Variants in TMEM131 observed in about 807,000 individuals in gnomAD.
TMEM131 encodes transmembrane protein 131, also known as 2610524E03Rik.
Under a neutral mutation model 211.6 loss-of-function variants are expected in TMEM131, and 66 were observed. The ratio of observed to expected loss-of-function variants is 0.31; its 90% CI spans 0.26 to 0.38. TMEM131 has a LOEUF of 0.38. Ranked by LOEUF, TMEM131 falls within the 10% of genes least tolerant of loss-of-function variation. The pLI, the probability that TMEM131 is intolerant of heterozygous loss-of-function variation, is 1.00. For missense variants in TMEM131, 2,036 were observed against 2,299.3 expected, an observed-to-expected ratio of 0.89 and a Z score of 2.34; for synonymous variants, 844 against 841.3, an observed-to-expected ratio of 1.00 and a Z score of -0.06.
intron 5 of TMEM131, among the ~76,000 whole-genome samples, chr2:97,848,603 C>T (rs530723988): frequency 6.6e-5 from 10 of 152,136 alleles, no homozygotes; most frequent in South Asian, 2.1e-4. Context: ...CAAGAAAAGT[C>T]TTGTTCAGTA....
At chr2:97,834,183 CTTAG>C (rs1573434447) in intron 10 of TMEM131, among the ~76,000 whole-genome samples, 1 of 152,104 alleles carries the variant, frequency 6.6e-6, no homozygotes, top group African/African-American at 2.4e-5. Flanking sequence ...AAAATCTTTA[CTTAG>C]TTGTTTTTAA....
intron 2 of TMEM131, among the ~76,000 whole-genome samples, chr2:97,916,051 C>T (rs1295414459): frequency 2.0e-5 from 3 of 152,076 alleles, no homozygotes; most frequent in African/African-American, 7.2e-5. Context: ...GTAGCTGGGA[C>T]TACAGGCATG....
chr2:97,781,950 G>A (rs1217444781), intron 31 of TMEM131, among the ~76,000 whole-genome samples: 3 of 152,204 alleles, frequency 2.0e-5, no homozygotes, highest in African/African-American at 4.8e-5. Context: ...ATCCACCCAT[G>A]CCAACAAAGG....
chr2:97,978,147 T>C (rs1218709176), intron 1 of TMEM131, among the ~76,000 whole-genome samples: 2 of 152,126 alleles, frequency 1.3e-5, no homozygotes, highest in African/African-American at 4.8e-5. Flanking sequence ...TGCTGCCATT[T>C]CATGAAAGAT....
chr2:97,758,216 T>A (rs1217036162), intron 40 of TMEM131, among the ~76,000 whole-genome samples: 4 of 152,172 alleles, frequency 2.6e-5, no homozygotes, highest in Admixed American at 6.5e-5. Context: ...TAATTACACA[T>A]GAAGACAACC....
intron 5 of TMEM131, 55 bp downstream of exon 5, chr2:97,859,249 T>C (rs1350076684): frequency 2.6e-6 from 4 of 1,523,924 alleles, no homozygotes; most frequent in African/African-American, 1.4e-5. Context: ...TCAATAAAAA[T>C]CTAGACATTT....
In TMEM131 at chr2:97,957,383, C is replaced by A. The variant is rs576438828; in HGVS notation, c.188-29896G>T. Reference sequence around the variant, plus strand: ...ATTTAGTCACATGTTTTACTTTTGACTACATACATATGAAACAACATTATA... The same window carrying A: ...ATTTAGTCACATGTTTTACTTTTGAATACATACATATGAAACAACATTATA... On this transcript the variant is annotated intron_variant, in intron 1 of 40. Transcript: ENST00000186436. Among the ~76,000 whole-genome samples, 4 of 152,160 alleles carry A rather than the reference C, an allele frequency of 2.6e-5. No individual in the cohort carries two copies. In the East Asian group the frequency reaches 7.7e-4, roughly 29 times the overall value.
chr2:97,812,634 T>G lies in TMEM131; in HGVS notation c.1728+5A>C, dbSNP rs781753758. ...ATGTGATTTAGAATAAAAACAGGTT[T>G]TTACCTCAATTGGATTGCTGTTTAT... is the stretch of plus-strand genomic sequence containing the variant. On this transcript the variant is annotated splice_donor_5th_base_variant and intron_variant, in intron 16 of 40. Transcript: ENST00000186436. 6.3e-7 allele frequency: 1 copy of G among 1,587,316 alleles called. No individual in the cohort carries two copies. The highest frequency in any genetic ancestry group is 1.2e-5 in the South Asian group (1 of 86,082).
At chr2:97,883,591 A>G (rs780015534) in intron 4 of TMEM131, among the ~76,000 whole-genome samples, 1 of 152,230 alleles carries the variant, frequency 6.6e-6, no homozygotes. Flanking sequence ...AGGTTAATTA[A>G]AATCTTTAAT....
chr2:97,776,019 C>T lies in TMEM131; in HGVS notation c.4145-1G>A. On this transcript the variant is annotated splice_acceptor_variant, in intron 31 of 40. Transcript: ENST00000186436. LOFTEE classifies it high-confidence loss of function. ...TTGCGCTGAAGAGGTTTTCCTTTCC[C>T]TGAGGATAAAAATTAAAGTAAAAGA... The T allele has an allele frequency of 6.3e-7, 1 of 1,599,466 alleles. No individual in the cohort carries two copies. The highest frequency in any genetic ancestry group is 8.5e-7 in the Non-Finnish European group (1 of 1,175,846).
intron 1 of TMEM131, among the ~76,000 whole-genome samples, chr2:97,937,805 G>A (rs982018899): frequency 1.3e-5 from 2 of 152,176 alleles, no homozygotes; most frequent in Non-Finnish European, 2.9e-5. Context: ...CAACTAGAGA[G>A]AAGGTCATCA....
chr2:97,906,565 A>G (rs552292894), intron 3 of TMEM131, among the ~76,000 whole-genome samples: 29 of 152,322 alleles, frequency 1.9e-4, no homozygotes, highest in African/African-American at 7.0e-4. Context: ...AGCTTTCACT[A>G]GTTTCCTCTG....
intron 1 of TMEM131, among the ~76,000 whole-genome samples, chr2:97,943,101 G>GCAAGCA (rs1225034857): frequency 4.0e-5 from 6 of 149,418 alleles, no homozygotes; most frequent in Admixed American, 2.7e-4. Flanking sequence ...AAGAAAGAAA[G>GCAAGCA]AGCTGGGTGT....
chr2:97,952,493 C>A (rs981662089), intron 1 of TMEM131, among the ~76,000 whole-genome samples: 1 of 152,106 alleles, frequency 6.6e-6, no homozygotes, highest in Non-Finnish European at 1.5e-5. Context: ...AACACCAATT[C>A]GAATTGGTGT....
intron 1 of TMEM131, among the ~76,000 whole-genome samples, chr2:97,963,764 T>A (rs1678922630): frequency 6.6e-6 from 1 of 152,192 alleles, no homozygotes; most frequent in Non-Finnish European, 1.5e-5. Context: ...CTAGAATAAT[T>A]TCCCTTTGTT....
intron 33 of TMEM131, among the ~76,000 whole-genome samples, chr2:97,768,234 T>C (rs1380927121): frequency 2.6e-5 from 4 of 152,212 alleles, no homozygotes; most frequent in African/African-American, 7.2e-5. Flanking sequence ...CCACTGTTTA[T>C]GGGCCAGATG....
At position 97,995,509 on chromosome 2, in the gene TMEM131, G is replaced by T; in HGVS notation, c.154C>A (p.Leu52Ile). ...TCGGCCCGCGCCGCAGCCACTACGA[G>T]GGTCATCACCAGGTGCAGCGCGCCT... The part of the protein sequence containing the change: ...LLGALHLVMT[L>I]VVAAARAEKE... Residue 52 changes from leucine (L) to isoleucine (I), a missense_variant, in exon 1 of 41, where the codon CTC (leucine) becomes ATC (isoleucine). This residue lies in a region of TMEM131 where 136 missense variants were observed against 115.4 expected (regional missense o/e 1.18). Coordinates refer to ENST00000186436, the MANE Select transcript of TMEM131 (RefSeq NM_015348.2). 7.1e-7 allele frequency: 1 copy of T among 1,414,144 alleles called. No homozygotes were observed. The allele number at this position is 1,414,144 out of a possible 1,614,324, so 87.6% of individuals were successfully genotyped here.
At chr2:97,992,816 G>C (rs1680322941) in intron 1 of TMEM131, among the ~76,000 whole-genome samples, 1 of 152,120 alleles carries the variant, frequency 6.6e-6, no homozygotes, top group African/African-American at 2.4e-5. Context: ...TTAGCCTCAA[G>C]ACAAAATCTT....
At chr2:97,995,417 G>T in intron 1 of TMEM131, 59 bp downstream of exon 1, 1 of 1,301,114 alleles carries the variant, frequency 7.7e-7, no homozygotes, top group African/African-American at 1.6e-5. Context: ...CAGCCCTCCC[G>T]GCCTCCGCGA....
Sources: allele counts gnomAD v4.1 joint callset (sites outside exome capture counted in the v4.1 genomes callset), GRCh38; gene constraint gnomAD v4.1.1; regional missense constraint gnomAD v4.1.1; transcripts MANE v1.5; gene names NCBI Gene and HGNC (gene_info 2026-07-23, HGNC 2026-07-21).